The following KIF16B variants were observed in gnomAD, a reference collection of about 807,000 sequenced individuals.
KIF16B encodes kinesin family member 16B.
A neutral mutation model predicts 156.3 loss-of-function variants in KIF16B; 98 were observed. The observed-to-expected ratio is 0.63, with a 90% CI of 0.53 to 0.74. The LOEUF is 0.74. Among genes scored for constraint, KIF16B ranks in the 30% least tolerant of loss-of-function variants. The pLI is 0.00. For synonymous variants in KIF16B, 564 were observed against 583.7 expected (o/e 0.97, Z 0.49); for missense variants, 1,421 against 1,606.5 (o/e 0.88, Z 1.97).
intron 15 of KIF16B, among the ~76,000 whole-genome samples, chr20:16,420,676 C>A (rs971946465): frequency 2.0e-5 from 3 of 152,020 alleles, no homozygotes; most frequent in Non-Finnish European, 4.4e-5. Flanking sequence ...AAGGAAAATG[C>A]TGCTTGGGTC....
chr20:16,437,417 T>C (rs2066670338), intron 12 of KIF16B, among the ~76,000 whole-genome samples: 1 of 152,154 alleles, frequency 6.6e-6, no homozygotes, highest in African/African-American at 2.4e-5. Flanking sequence ...GCATTGACAA[T>C]TTTGAAAACA....
intron 22 of KIF16B, chr20:16,369,124 C>A (rs1488808120): frequency 1.4e-5 from 14 of 985,718 alleles, no homozygotes; most frequent in African/African-American, 1.7e-5. Context: ...TGTTTTAGGG[C>A]CTGAGACGCT....
chr20:16,378,709 G>GT (rs1321111546), intron 19 of KIF16B, 96 bp downstream of exon 19: 1 of 1,245,256 alleles, frequency 8.0e-7, no homozygotes, highest in African/African-American at 1.6e-5. Flanking sequence ...AAAAGAATAA[G>GT]TTAAAAAAAA....
chr20:16,478,594 C>T (rs573189371), intron 12 of KIF16B, among the ~76,000 whole-genome samples: 63 of 152,266 alleles, frequency 4.1e-4, no homozygotes, highest in Non-Finnish European at 7.4e-4. Context: ...ACACAAATCA[C>T]CCTTCTTCCA....
chr20:16,458,890 A>G (rs1460125714), intron 12 of KIF16B, among the ~76,000 whole-genome samples: 1 of 152,222 alleles, frequency 6.6e-6, no homozygotes, highest in African/African-American at 2.4e-5. Flanking sequence ...GGGACTATAT[A>G]AATGGAAGGT....
chr20:16,528,569 T>A, intron 1 of KIF16B, 129 bp from the exon 2 acceptor site: 3 of 670,542 alleles, frequency 4.5e-6, no homozygotes, highest in Non-Finnish European at 7.8e-6. Flanking sequence ...TGAGGAGCAA[T>A]CCCAGACACG....
At chr20:16,302,144 T>A (rs2122609310) in intron 25 of KIF16B, among the ~76,000 whole-genome samples, 1 of 152,332 alleles carries the variant, frequency 6.6e-6, no homozygotes, top group East Asian at 1.9e-4. Context: ...GAAGTCTATC[T>A]TATTTATTTT....
At chr20:16,303,989 G>A (rs1456510029) in intron 25 of KIF16B, among the ~76,000 whole-genome samples, 1 of 152,114 alleles carries the variant, frequency 6.6e-6, no homozygotes, top group Admixed American at 6.6e-5. Context: ...AGTTTAACCT[G>A]GGAGCCCAAA....
intron 19 of KIF16B, among the ~76,000 whole-genome samples, chr20:16,377,734 A>G (rs987022514): frequency 1.3e-5 from 2 of 152,198 alleles, no homozygotes; most frequent in African/African-American, 2.4e-5. Context: ...TGATGTTTGC[A>G]TCACCCAGGT....
Position 16,409,327 on chromosome 20 carries a change from T to C in KIF16B, c.1613-2871A>G, listed in dbSNP as rs569116796. 2.0e-5 allele frequency among the ~76,000 whole-genome samples: 3 copies of C among 151,842 alleles called. No homozygotes were observed. The South Asian group carries it at 6.3e-4, about 32-fold the overall frequency. ...TGACTGGAAGACAACCATGTGGCTA[T>C]GGCAAAGGGAACAAGAGTGAGCACT... is the stretch of plus-strand genomic sequence containing the variant. On this transcript the variant is annotated intron_variant, in intron 15 of 25. Coordinates refer to ENST00000354981, the MANE Select transcript of KIF16B (RefSeq NM_024704.5).
chr20:16,343,674 G>T (rs1465625607), intron 23 of KIF16B, among the ~76,000 whole-genome samples: 1 of 152,120 alleles, frequency 6.6e-6, no homozygotes, highest in African/African-American at 2.4e-5. Context: ...TATTCCTAAA[G>T]AACATGCCTG....
intron 24 of KIF16B, among the ~76,000 whole-genome samples, chr20:16,325,284 A>G (rs1306147799): frequency 1.3e-5 from 2 of 152,086 alleles, no homozygotes; most frequent in African/African-American, 2.4e-5. Flanking sequence ...TATTCAGCAT[A>G]GTACTAGAAG....
chr20:16,318,740 T>C (rs1214363446), intron 24 of KIF16B, among the ~76,000 whole-genome samples: 1 of 152,200 alleles, frequency 6.6e-6, no homozygotes, highest in Non-Finnish European at 1.5e-5. Flanking sequence ...CAAAATACAA[T>C]GACAGAATTA....
chr20:16,568,327 C>A (rs921553315), intron 1 of KIF16B, among the ~76,000 whole-genome samples: 11 of 152,156 alleles, frequency 7.2e-5, no homozygotes, highest in African/African-American at 2.7e-4. Flanking sequence ...AAAGCTGGCA[C>A]ATCACCAGCA....
rs187452574 is a variant in KIF16B at position 16,279,411 on chromosome 20, T to C, written c.3796-6000A>G. ...GGCAGTTTCAGGAGAGCCTTTGGTC[T>C]CTGTCCATTCCCAAGGCTAGGAGCG... On this transcript the variant is annotated intron_variant, in intron 25 of 25. Transcript: ENST00000354981. 2.6e-3 allele frequency among the ~76,000 whole-genome samples: 396 copies of C among 152,324 alleles called. 7 individuals carry two copies. The highest frequency in any genetic ancestry group is 0.023 in the Admixed American group (353 of 15,302).
chr20:16,274,808 G>C (rs557161434), intron 25 of KIF16B, among the ~76,000 whole-genome samples: 56 of 152,182 alleles, frequency 3.7e-4, no homozygotes, highest in Non-Finnish European at 6.5e-4. Flanking sequence ...AGAATTATCT[G>C]GCCCAAATGT....
chr20:16,284,417 G>A (rs3843773), intron 25 of KIF16B, among the ~76,000 whole-genome samples: 61,412 of 151,870 alleles, frequency 0.4, 12,449 homozygotes, highest in Non-Finnish European at 0.43. Flanking sequence ...TTTCCTGGAC[G>A]TTGCCAGAGG....
intron 23 of KIF16B, among the ~76,000 whole-genome samples, chr20:16,351,428 G>A (rs1008667956): frequency 2.6e-5 from 4 of 152,212 alleles, no homozygotes; most frequent in African/African-American, 9.7e-5. Flanking sequence ...GCATAATGCA[G>A]CGTAACTGAT....
intron 25 of KIF16B, among the ~76,000 whole-genome samples, chr20:16,296,019 C>T (rs1366262811): frequency 6.6e-6 from 1 of 152,192 alleles, no homozygotes; most frequent in African/African-American, 2.4e-5. Flanking sequence ...CTCCCAGGGG[C>T]CCAAGAGCTA....
Sources: gnomAD v4.1 joint callset for allele counts (sites outside exome capture counted in the v4.1 genomes callset) on GRCh38, gnomAD v4.1.1 for gene constraint, MANE v1.5 for transcripts, NCBI Gene and HGNC (gene_info 2026-07-23, HGNC 2026-07-21) for gene names.